MYT1L: variants seen among roughly 807,000 people sequenced by gnomAD.
MYT1L encodes myelin transcription factor 1 like, also known as myelin transcription factor 1-like protein.
Under a neutral mutation model 126.7 loss-of-function variants are expected in MYT1L, and 12 were observed. That is an observed-to-expected ratio of 0.09 (90% CI 0.06 to 0.15). MYT1L has a LOEUF of 0.15. Ranked by LOEUF, MYT1L falls within the 10% of genes least tolerant of loss-of-function variation. The pLI, the probability that MYT1L is intolerant of heterozygous loss-of-function variation, is 1.00. For missense variants in MYT1L, 979 were observed against 1,585.2 expected (o/e 0.62, Z 6.49); for synonymous variants, 541 against 604.2 (o/e 0.90, Z 1.53).
intron 18 of MYT1L, among the ~76,000 whole-genome samples, chr2:1,885,917 G>A (rs971189388): frequency 1.3e-5 from 2 of 152,174 alleles, no homozygotes; most frequent in African/African-American, 4.8e-5. Context: ...TCTCAGTGTT[G>A]CAGTATAAAT....
intron 11 of MYT1L, among the ~76,000 whole-genome samples, chr2:1,914,803 T>G (rs2052582688): frequency 6.6e-6 from 1 of 152,224 alleles, no homozygotes; most frequent in African/African-American, 2.4e-5. Flanking sequence ...TCTCTGGATG[T>G]TTCGTGAATC....
chr2:2,172,295 T>C (rs1185295439), intron 3 of MYT1L, among the ~76,000 whole-genome samples: 1 of 151,574 alleles, frequency 6.6e-6, no homozygotes, highest in Non-Finnish European at 1.5e-5. Context: ...GCAGTGATTC[T>C]ACATGAGCCA....
Position 1,881,355 on chromosome 2 carries a change from C to CGTGTGTGTGTGT in MYT1L, c.2711+5172_2711+5183dup, listed in dbSNP as rs59171974. The stretch of plus-strand genomic sequence containing the variant: ...GTGGTTTATTGTTGGTTTGCAGGTT[C>CGTGTGTGTGTGT]GTGTGTGTGTGTGTGTGTGTGTGTG... On this transcript the variant is annotated intron_variant, in intron 18 of 24. Coordinates refer to ENST00000647738, the MANE Select transcript of MYT1L (RefSeq NM_001303052.2). Among the ~76,000 whole-genome samples the CGTGTGTGTGTGT allele has an allele frequency of 2.9e-3, 405 of 139,206 alleles. 1 individual carries two copies. Among genetic ancestry groups the CGTGTGTGTGTGT allele is most frequent in the African/African-American group, 6.0e-3 (226 of 37,974 alleles). The allele number at this position is 139,206 out of a possible 152,430, so 91.3% of individuals were successfully genotyped here.
chr2:1,869,510 C>T lies in MYT1L; in HGVS notation c.2711+17029G>A, dbSNP rs150087234. Among the ~76,000 whole-genome samples, 15 of 152,352 alleles carry T rather than the reference C, an allele frequency of 9.8e-5. No homozygotes were observed. The East Asian group carries it at 1.4e-3, about 14-fold the overall frequency. On this transcript the variant is annotated intron_variant, in intron 18 of 24. Coordinates refer to ENST00000647738, the MANE Select transcript of MYT1L (RefSeq NM_001303052.2). The stretch of plus-strand genomic sequence containing the variant: ...GGTCGGTGTAACAGAGATGGGACTC[C>T]GTGCCCTACACACTTCACAGGCTCC...
At chr2:2,131,430 C>T (rs538553032) in intron 3 of MYT1L, among the ~76,000 whole-genome samples, 71 of 152,202 alleles carry the variant, frequency 4.7e-4, no homozygotes, top group African/African-American at 1.5e-3. Flanking sequence ...TTTAAAATTG[C>T]TTTTGCAATT....
At chr2:2,270,733 G>A (rs1275378096) in intron 2 of MYT1L, among the ~76,000 whole-genome samples, 1 of 152,038 alleles carries the variant, frequency 6.6e-6, no homozygotes, top group East Asian at 1.9e-4. Context: ...AATAAAGAAA[G>A]TACAGCACAG....
chr2:1,961,331 A>T (rs376728769), intron 8 of MYT1L, among the ~76,000 whole-genome samples: 10 of 152,224 alleles, frequency 6.6e-5, no homozygotes, highest in Middle Eastern at 3.2e-3. Context: ...ATAAAAATTT[A>T]AAAAAGGTAT....
chr2:1,804,895 A>AT (rs1328959939), intron 22 of MYT1L, among the ~76,000 whole-genome samples: 48 of 152,180 alleles, frequency 3.2e-4, no homozygotes, highest in African/African-American at 1.1e-3. Context: ...TTCTGCTGTG[A>AT]TAGTAAAAGG....
intron 2 of MYT1L, among the ~76,000 whole-genome samples, chr2:2,191,807 A>G (rs2092602309): frequency 6.6e-6 from 1 of 152,248 alleles, no homozygotes; most frequent in Non-Finnish European, 1.5e-5. Context: ...CCTTTTAAGC[A>G]GAAGATGGCC....
At chr2:2,199,160 C>G (rs1019881047) in intron 2 of MYT1L, among the ~76,000 whole-genome samples, 4 of 152,154 alleles carry the variant, frequency 2.6e-5, no homozygotes, top group Non-Finnish European at 5.9e-5. Flanking sequence ...ACAATGAGAT[C>G]TTTACAAACA....
chr2:2,256,208 C>T (rs1033278367), intron 2 of MYT1L, among the ~76,000 whole-genome samples: 10 of 152,186 alleles, frequency 6.6e-5, no homozygotes, highest in African/African-American at 1.2e-4. Flanking sequence ...CTCAAAGAGG[C>T]GTGAGGCCAA....
chr2:2,313,274 A>G (rs902563536), intron 1 of MYT1L, among the ~76,000 whole-genome samples: 1 of 150,762 alleles, frequency 6.6e-6, no homozygotes, highest in Non-Finnish European at 1.5e-5. Flanking sequence ...AAAAAAAAAA[A>G]TCTTGGAAAA....
intron 3 of MYT1L, among the ~76,000 whole-genome samples, chr2:2,156,612 C>T (rs1021706584): frequency 5.3e-5 from 8 of 152,096 alleles, no homozygotes; most frequent in African/African-American, 1.7e-4. Flanking sequence ...GTGTTTTTGC[C>T]CTTACCAGAG....
At chr2:2,128,444 A>C (rs1241953980) in intron 3 of MYT1L, among the ~76,000 whole-genome samples, 1 of 152,084 alleles carries the variant, frequency 6.6e-6, no homozygotes, top group Non-Finnish European at 1.5e-5. Context: ...GAGCCACTAC[A>C]CCCAGCCTTA....
intron 3 of MYT1L, among the ~76,000 whole-genome samples, chr2:2,139,054 G>C (rs924116594): frequency 6.6e-6 from 1 of 151,516 alleles, no homozygotes; most frequent in South Asian, 2.1e-4. Flanking sequence ...ATAATTATAG[G>C]ACCCTGTATT....
intron 2 of MYT1L, among the ~76,000 whole-genome samples, chr2:2,183,281 G>T (rs139217631): frequency 6.0e-4 from 92 of 152,216 alleles, no homozygotes; most frequent in African/African-American, 2.1e-3. Context: ...AACGAACCTG[G>T]GGGAAGTAGA....
chr2:1,903,532 T>C (rs983326221), intron 13 of MYT1L, among the ~76,000 whole-genome samples: 4 of 152,138 alleles, frequency 2.6e-5, no homozygotes, highest in Non-Finnish European at 5.9e-5. Context: ...AGAAATAAAA[T>C]CTTTAAATAT....
chr2:2,288,569 C>A (rs1410355527), intron 1 of MYT1L, among the ~76,000 whole-genome samples: 2 of 152,136 alleles, frequency 1.3e-5, no homozygotes, highest in Admixed American at 6.5e-5. Context: ...TCTCATTGAT[C>A]ATTATGTATT....
intron 1 of MYT1L, among the ~76,000 whole-genome samples, chr2:2,321,002 C>T (rs1573558783): frequency 6.6e-6 from 1 of 152,256 alleles, no homozygotes; most frequent in East Asian, 1.9e-4. Flanking sequence ...AATCAACTTC[C>T]TAATTAAAAA....
Sources: gnomAD v4.1 joint callset for allele counts (sites outside exome capture counted in the v4.1 genomes callset) on GRCh38, gnomAD v4.1.1 for gene constraint, MANE v1.5 for transcripts, NCBI Gene and HGNC (gene_info 2026-07-23, HGNC 2026-07-21) for gene names.